Variants in KCNQ3 observed in about 807,000 individuals in gnomAD.
KCNQ3 encodes the protein potassium voltage-gated channel subfamily Q member 3.
KCNQ3 carries 30 observed loss-of-function variants against 92.5 expected under a neutral mutation model. The ratio of observed to expected loss-of-function variants is 0.32; its 90% CI spans 0.24 to 0.44. The LOEUF is 0.44. Ranked by LOEUF, KCNQ3 falls within the 20% of genes least tolerant of loss-of-function variation. KCNQ3 has a pLI of 1.00. For missense variants in KCNQ3, 913 were observed against 1,140.3 expected (o/e 0.80, Z 2.87); for synonymous variants, 450 against 468.8 (o/e 0.96, Z 0.52).
chr8:132,157,641 G>GTCATA (rs1554624954), intron 9 of KCNQ3, among the ~76,000 whole-genome samples: 1 of 151,452 alleles, frequency 6.6e-6, no homozygotes, highest in Non-Finnish European at 1.5e-5. Flanking sequence ...TGTAACCTGT[G>GTCATA]TTTTATTTTA....
At chr8:132,280,578 C>T (rs1253208131) in intron 1 of KCNQ3, among the ~76,000 whole-genome samples, 2 of 152,118 alleles carry the variant, frequency 1.3e-5, no homozygotes, top group East Asian at 3.9e-4. Context: ...GGCCCCACCT[C>T]CAACAATGAG....
intron 1 of KCNQ3, among the ~76,000 whole-genome samples, chr8:132,267,511 A>T (rs980010093): frequency 2.0e-5 from 3 of 152,168 alleles, no homozygotes; most frequent in Non-Finnish European, 2.9e-5. Flanking sequence ...CACTCTCATA[A>T]TCAAAACCTC....
chr8:132,442,799 A>G (rs1325631068), intron 1 of KCNQ3, among the ~76,000 whole-genome samples: 1 of 152,152 alleles, frequency 6.6e-6, no homozygotes, highest in Non-Finnish European at 1.5e-5. Flanking sequence ...CCTGCTTCTT[A>G]TTTTATTCAT....
rs1043893328 is a variant in KCNQ3, at chr8:132,280,295, G to C, written c.387-94114C>G. Among the ~76,000 whole-genome samples, 13 of 152,296 alleles carry C rather than the reference G, an allele frequency of 8.5e-5. 1 individual carries two copies. The South Asian group carries it at 2.5e-3, about 29-fold the overall frequency. ...CAAGGTAGGGTAACTTATAAGAAAA[G>C]AGGTTTAATTAGCTGATGGTTCTGC... On this transcript the variant is annotated intron_variant, in intron 1 of 14. Coordinates refer to ENST00000388996, the MANE Select transcript of KCNQ3 (RefSeq NM_004519.4).
chr8:132,237,923 G>A (rs373499295), intron 1 of KCNQ3, among the ~76,000 whole-genome samples: 12 of 152,090 alleles, frequency 7.9e-5, no homozygotes, highest in African/African-American at 1.9e-4. Context: ...CCATCATCTC[G>A]GACAAATACT....
chr8:132,475,456 A>G (rs1247437898), intron 1 of KCNQ3, among the ~76,000 whole-genome samples: 1 of 152,180 alleles, frequency 6.6e-6, no homozygotes, highest in Non-Finnish European at 1.5e-5. Context: ...GTGGTCTCAG[A>G]TGGAGATGAG....
At chr8:132,428,222 C>G (rs1489533362) in intron 1 of KCNQ3, among the ~76,000 whole-genome samples, 1 of 152,136 alleles carries the variant, frequency 6.6e-6, no homozygotes, top group Non-Finnish European at 1.5e-5. Flanking sequence ...TGCCATTCTC[C>G]TACCACCCCC....
At chr8:132,347,953 G>A (rs1818745113) in intron 1 of KCNQ3, among the ~76,000 whole-genome samples, 1 of 148,358 alleles carries the variant, frequency 6.7e-6, no homozygotes, top group African/African-American at 2.5e-5. Flanking sequence ...CTTCAGCCTG[G>A]GCGACAGAGC....
chr8:132,239,180 T>C (rs1403712642), intron 1 of KCNQ3, among the ~76,000 whole-genome samples: 1 of 152,184 alleles, frequency 6.6e-6, no homozygotes, highest in Non-Finnish European at 1.5e-5. Flanking sequence ...GCTTTGGAAA[T>C]GCTGGAGGAA....
intron 1 of KCNQ3, among the ~76,000 whole-genome samples, chr8:132,391,999 G>T (rs1317706982): frequency 6.6e-6 from 1 of 152,130 alleles, no homozygotes; most frequent in Non-Finnish European, 1.5e-5. Flanking sequence ...CACCTGTGGG[G>T]GTGTGTGCTC....
chr8:132,334,118 G>A (rs1008374147), intron 1 of KCNQ3, among the ~76,000 whole-genome samples: 1 of 152,178 alleles, frequency 6.6e-6, no homozygotes, highest in Non-Finnish European at 1.5e-5. Flanking sequence ...AGAGACAGGT[G>A]TAGTTGATTT....
intron 1 of KCNQ3, among the ~76,000 whole-genome samples, chr8:132,382,732 CCTT>C (rs1819786023): frequency 6.6e-6 from 1 of 152,076 alleles, no homozygotes. Context: ...GCTCTGAGCT[CCTT>C]GTGAATTGGG....
At chr8:132,307,482 G>T (rs1163385795) in intron 1 of KCNQ3, among the ~76,000 whole-genome samples, 1 of 152,170 alleles carries the variant, frequency 6.6e-6, no homozygotes, top group Non-Finnish European at 1.5e-5. Context: ...GTTCTAACTT[G>T]CTGTGTGTGA....
At chr8:132,139,739 A>C (rs1197908712) in intron 11 of KCNQ3, among the ~76,000 whole-genome samples, 1 of 152,234 alleles carries the variant, frequency 6.6e-6, no homozygotes, top group Non-Finnish European at 1.5e-5. Flanking sequence ...AAGCCTCTAC[A>C]GGAAGAAAAC....
chr8:132,170,404 T>A lies in KCNQ3; in HGVS notation c.1165A>T (p.Asn389Tyr). 6.2e-7 allele frequency: 1 copy of A among 1,613,860 alleles called. No homozygotes were observed. The highest frequency in any genetic ancestry group is 2.2e-5 in the East Asian group (1 of 44,870). Residue 389 changes from asparagine to tyrosine, a missense_variant, in exon 8 of 15, where the codon AAC becomes TAC. Asn to Tyr is a moderately radical substitution (Grantham distance 143). Around this residue, in one of 6 missense-constraint regions of KCNQ3, gnomAD observed 52 missense variants for 127.7 expected, o/e 0.41. Transcript: ENST00000388996. Reference protein sequence around the residue: ...IQAAWRYYATNPNRIDLVATW... With the variant: ...IQAAWRYYATYPNRIDLVATW... Reference sequence around the variant, plus strand: ...GCCACCAGGTCAATCCTGTTGGGGTTGGTAGCATAATACCTCCAGGCAGCC... The same window carrying A: ...GCCACCAGGTCAATCCTGTTGGGGTAGGTAGCATAATACCTCCAGGCAGCC...
chr8:132,218,384 A>C (rs916956633), intron 1 of KCNQ3, among the ~76,000 whole-genome samples: 2 of 152,238 alleles, frequency 1.3e-5, no homozygotes, highest in Non-Finnish European at 2.9e-5. Flanking sequence ...CACACAGTAC[A>C]TTTTGGTTGA....
chr8:132,186,213 C>G (rs551735715), intron 1 of KCNQ3, 32 bp from the exon 2 acceptor site: 4 of 1,515,598 alleles, frequency 2.6e-6, no homozygotes, highest in Admixed American at 3.4e-5. Flanking sequence ...GACTAAGGAA[C>G]CTTTGAGTCA....
At chr8:132,141,062 G>T in intron 10 of KCNQ3, 67 bp downstream of exon 10, 1 of 1,430,818 alleles carries the variant, frequency 7.0e-7, no homozygotes, top group Non-Finnish European at 9.9e-7. Flanking sequence ...AGGGAGAGGT[G>T]AGGAAGGAAG....
intron 14 of KCNQ3, among the ~76,000 whole-genome samples, chr8:132,131,591 G>A (rs764117661): frequency 9.2e-5 from 14 of 152,062 alleles, no homozygotes; most frequent in Non-Finnish European, 7.4e-5. Flanking sequence ...CACTGTGCCC[G>A]CTAATATTAT....
Sources: gnomAD v4.1 joint callset for allele counts (sites outside exome capture counted in the v4.1 genomes callset) on GRCh38, gnomAD v4.1.1 for gene constraint, gnomAD v4.1.1 regional missense constraint, MANE v1.5 for transcripts, NCBI Gene and HGNC (gene_info 2026-07-23, HGNC 2026-07-21) for gene names.